The following PTK2 variants were observed in gnomAD, a reference collection of about 807,000 sequenced individuals.
The protein encoded by PTK2 is protein tyrosine kinase 2, also known as focal adhesion kinase 1.
In PTK2, 45 loss-of-function variants were observed where a neutral mutation model predicts 150.1. That is an observed-to-expected ratio of 0.30 (90% confidence interval 0.24 to 0.38). The LOEUF (loss-of-function observed/expected upper bound fraction) is 0.38. PTK2 is among the 10% of genes least tolerant of loss of function. The pLI is 1.00. For synonymous variants in PTK2, 432 were observed against 449.2 expected (o/e 0.96, Z 0.48); for missense variants, 919 against 1,307.3 (o/e 0.70, Z 4.58).
At chr8:140,760,908 A>G (rs886524629) in intron 16 of PTK2, among the ~76,000 whole-genome samples, 8 of 152,220 alleles carry the variant, frequency 5.3e-5, no homozygotes, top group African/African-American at 1.7e-4. Context: ...ACAGTCACCT[A>G]TAAAAACTGT....
chr8:140,978,819 T>C (rs528058267), intron 1 of PTK2, among the ~76,000 whole-genome samples: 11 of 151,890 alleles, frequency 7.2e-5, no homozygotes, highest in African/African-American at 2.2e-4. Context: ...CACATGTTTA[T>C]TGCGGCACTA....
exon 17 of PTK2, chr8:140,752,303 A>G (rs2100063214): frequency 6.2e-7 from 1 of 1,613,898 alleles, no homozygotes; most frequent in Non-Finnish European, 8.5e-7. Context: ...TGCAACCGCC[A>G]AAGCTGGATT....
intron 1 of PTK2, among the ~76,000 whole-genome samples, chr8:140,931,063 T>C (rs1156788016): frequency 7.8e-6 from 1 of 127,782 alleles, no homozygotes; most frequent in African/African-American, 2.8e-5. Flanking sequence ...AGAGCGAGAC[T>C]CTGTCTCAAA....
chr8:140,892,464 A>G (rs1261489332), intron 2 of PTK2: 3 of 253,774 alleles, frequency 1.2e-5, no homozygotes, highest in Non-Finnish European at 2.3e-5. Context: ...TGAGCCCAAG[A>G]GGGGAAGGCT....
intron 1 of PTK2, among the ~76,000 whole-genome samples, chr8:140,936,722 T>C (rs904263771): frequency 2.0e-5 from 3 of 152,244 alleles, no homozygotes; most frequent in African/African-American, 7.2e-5. Context: ...TTGGTTGCTA[T>C]GATTTTTAAG....
chr8:140,950,294 T>TGACAC (rs1410188669), intron 1 of PTK2, among the ~76,000 whole-genome samples: 1 of 152,218 alleles, frequency 6.6e-6, no homozygotes, highest in Non-Finnish European at 1.5e-5. Context: ...GCCAGGGCTA[T>TGACAC]GACACCCTCT....
At chr8:140,732,776 C>A in intron 22 of PTK2, 1 of 255,654 alleles carries the variant, frequency 3.9e-6, no homozygotes, top group Non-Finnish European at 7.8e-6. Context: ...TAGGGTAAGC[C>A]TGACAAGAAG....
chr8:140,941,966 G>A (rs571995896), intron 1 of PTK2, among the ~76,000 whole-genome samples: 120 of 152,166 alleles, frequency 7.9e-4, no homozygotes, highest in African/African-American at 2.1e-3. Flanking sequence ...ATAGCTCACT[G>A]CAGCTTGACC....
chr8:140,724,963 G>A (rs934939331), intron 22 of PTK2, among the ~76,000 whole-genome samples: 3 of 152,136 alleles, frequency 2.0e-5, no homozygotes, highest in Non-Finnish European at 4.4e-5. Flanking sequence ...GGAGATTATG[G>A]CCTTTAGTCT....
chr8:140,730,965 C>CCTTT, intron 22 of PTK2, among the ~76,000 whole-genome samples: 1 of 82,548 alleles, frequency 1.2e-5, no homozygotes, highest in Non-Finnish European at 2.3e-5. Context: ...CCCCCCCCCC[C>CCTTT]TTTTTTTTTT....
intron 19 of PTK2, 86 bp downstream of exon 22, chr8:140,744,566 G>C (rs557031873): frequency 2.2e-5 from 16 of 737,890 alleles, no homozygotes; most frequent in South Asian, 2.0e-4. Context: ...GGATCCAAAA[G>C]GGTCCAAAGA....
At chr8:140,822,239 T>C (rs1464125779) in intron 8 of PTK2, 3 of 152,178 alleles carry the variant, frequency 2.0e-5, no homozygotes, top group Non-Finnish European at 4.4e-5. Context: ...AGAACAGGTA[T>C]CTATTCTCAA....
intron 7 of PTK2, among the ~76,000 whole-genome samples, chr8:140,842,615 CTTGAACCCAGAT>C (rs1245729916): frequency 6.6e-6 from 1 of 152,060 alleles, no homozygotes; most frequent in Non-Finnish European, 1.5e-5. Context: ...GCGATAAGGA[CTTGAACCCAGAT>C]ATTCTGCTTC....
chr8:140,936,042 G>A (rs2100173506), intron 1 of PTK2, among the ~76,000 whole-genome samples: 1 of 152,094 alleles, frequency 6.6e-6, no homozygotes, highest in South Asian at 2.1e-4. Flanking sequence ...CAGGCATGGT[G>A]GCATGCATCT....
intron 1 of PTK2, among the ~76,000 whole-genome samples, chr8:140,950,143 T>C (rs548478823): frequency 2.4e-4 from 36 of 152,228 alleles, no homozygotes; most frequent in Admixed American, 2.4e-3. Context: ...CAGTTGTCCA[T>C]GTACCTCATT....
intron 10 of PTK2, among the ~76,000 whole-genome samples, chr8:140,812,076 C>T (rs756722014): frequency 8.0e-4 from 121 of 152,014 alleles, no homozygotes; most frequent in Admixed American, 1.3e-3. Context: ...AGATACTACA[C>T]GAGAAGATCA....
At chr8:140,686,968 T>C in intron 26 of PTK2, 4 of 395,996 alleles carry the variant, frequency 1.0e-5, no homozygotes, top group Non-Finnish European at 1.8e-5. Context: ...CTATTCCAAG[T>C]AGCACAGATG....
rs778981723 is a variant in PTK2, at chr8:140,803,005, C to CTTTTTT, written c.975+532_975+537dup. On this transcript the variant is annotated intron_variant, in intron 11 of 31. Coordinates refer to ENST00000522684, the Ensembl canonical transcript of PTK2. ...AATTTCCTTGGTACTTGATGACAAT[C>CTTTTTT]TTTTTTTTTTTTTTTTTTTTTTTTT... is the stretch of plus-strand genomic sequence containing the variant. Among the ~76,000 whole-genome samples, 573 of 77,358 alleles carry CTTTTTT rather than the reference C, an allele frequency of 7.4e-3. 87 individuals are homozygous for CTTTTTT. Among genetic ancestry groups the CTTTTTT allele is most frequent in the African/African-American group, 0.024 (483 of 20,256 alleles). The allele number at this position is 77,358 out of a possible 152,430, so 50.7% of individuals were successfully genotyped here.
At chr8:140,840,075 T>C (rs1220738636) in intron 7 of PTK2, among the ~76,000 whole-genome samples, 1 of 152,170 alleles carries the variant, frequency 6.6e-6, no homozygotes, top group South Asian at 2.1e-4. Flanking sequence ...AAATGGTTAT[T>C]TTAAGCAAGG....
Sources: allele counts gnomAD v4.1 joint callset (sites outside exome capture counted in the v4.1 genomes callset), GRCh38; gene constraint gnomAD v4.1.1; transcripts MANE v1.5; gene names NCBI Gene and HGNC (gene_info 2026-07-23, HGNC 2026-07-21).